The following XPO1 variants were observed in gnomAD, a reference collection of about 807,000 sequenced individuals.
XPO1 encodes the protein exportin 1.
XPO1 carries 5 observed loss-of-function variants against 133.3 expected under a neutral mutation model. That is an observed-to-expected ratio of 0.04 (90% CI 0.02 to 0.08). The LOEUF is 0.08. Among genes scored for constraint, XPO1 ranks in the 10% least tolerant of loss-of-function variants. The pLI is 1.00. For synonymous variants in XPO1, 419 were observed against 408.2 expected, an observed-to-expected ratio of 1.03 and a Z score of -0.32; for missense variants, 506 against 1,267.5, an observed-to-expected ratio of 0.40 and a Z score of 9.12.
At chr2:61,532,568 T>A (rs917655871) in intron 2 of XPO1, among the ~76,000 whole-genome samples, 1 of 151,954 alleles carries the variant, frequency 6.6e-6, no homozygotes, top group African/African-American at 2.4e-5. Flanking sequence ...CCAGGCGCGG[T>A]GGCTCATGCC....
rs1696934571 is a variant in XPO1 at position 61,490,624 on chromosome 2, A to G, written c.2022+18T>C. 1.2e-5 allele frequency: 19 copies of G among 1,613,420 alleles called. No individual in the cohort carries two copies. In the East Asian group the frequency reaches 4.2e-4, roughly 36 times the overall value. ...TTAAATCCCATGAAAACTTTTAAGA[A>G]AAGGTAGAAATACTTACTTTGGTTG... On this transcript the variant is annotated intron_variant, in intron 17 of 24. Coordinates refer to ENST00000401558, the MANE Select transcript of XPO1 (RefSeq NM_003400.4).
At position 61,494,077 on chromosome 2, in the gene XPO1, C is replaced by T. The variant is rs2104447733; in HGVS notation, c.1062G>A (p.Met354Ile). 3.1e-6 allele frequency: 5 copies of T among 1,613,646 alleles called. No individual in the cohort carries two copies. The highest frequency in any genetic ancestry group is 1.3e-5 in the African/African-American group (1 of 75,010). Residue 354 changes from methionine (M) to isoleucine (I), a missense_variant, in exon 12 of 25, where the codon ATG (methionine) becomes ATA (isoleucine). Met to Ile is a conservative substitution (Grantham distance 10, BLOSUM62 1). This residue lies in a region of XPO1 where 134 missense variants were observed against 261.6 expected (regional missense o/e 0.51). Transcript: ENST00000401558. ...RETLMEALHYMLLVSEVEETE... is the reference protein window; with the variant it reads ...RETLMEALHYILLVSEVEETE... ...TTTCTTCTACTTCAGATACCAACAA[C>T]ATATAATGAAGGGCCTACACAGAAG...
At chr2:61,495,185 T>A (rs1022593265) in intron 11 of XPO1, among the ~76,000 whole-genome samples, 1 of 152,144 alleles carries the variant, frequency 6.6e-6, no homozygotes, top group African/African-American at 2.4e-5. Context: ...AATTTTAAAA[T>A]AAGGTCTTTG....
chr2:61,508,557 G>A (rs541261390), intron 4 of XPO1, among the ~76,000 whole-genome samples: 1 of 152,144 alleles, frequency 6.6e-6, no homozygotes, highest in South Asian at 2.1e-4. Context: ...AGCTAACTTA[G>A]AAGGTACACA....
rs1305284793 is a variant in XPO1 at position 61,538,225 on chromosome 2, C to G, written c.-670G>C. ...ATGCTGTAGCTCCCGCTGCTCCTGC[C>G]GCGGCCGCTGCAGCCGCTTCTCCCC... On this transcript the variant is annotated 5_prime_UTR_variant, in exon 1 of 25. Coordinates refer to ENST00000401558, the MANE Select transcript of XPO1 (RefSeq NM_003400.4). The G allele has an allele frequency of 5.5e-6, 1 of 180,218 alleles. No individual in the cohort carries two copies. Among genetic ancestry groups the G allele is most frequent in the Non-Finnish European group, 1.2e-5 (1 of 85,712 alleles). 11.2% of individuals were successfully genotyped at this position (180,218 alleles called of 1,614,324 possible). A position where few individuals can be genotyped will look rare whatever the true frequency, so the allele number is the denominator to read the frequency against.
rs1257024355 is a variant in XPO1, at chr2:61,488,149, A to G, written c.2313+16T>C. On this transcript the variant is annotated intron_variant, in intron 19 of 24. Coordinates refer to ENST00000401558, the MANE Select transcript of XPO1 (RefSeq NM_003400.4). Reference sequence around the variant, plus strand: ...CATCAACACTAGAAATCAAAAGCAAAGCATCTCTCACTTACCATCTGTGGA... The same window carrying G: ...CATCAACACTAGAAATCAAAAGCAAGGCATCTCTCACTTACCATCTGTGGA... 1.9e-6 allele frequency: 3 copies of G among 1,606,544 alleles called. No individual in the cohort carries two copies. The African/African-American group carries it at 4.0e-5, about 21-fold the overall frequency.
chr2:61,520,230 A>G (rs1359168285), intron 4 of XPO1, among the ~76,000 whole-genome samples: 1 of 152,226 alleles, frequency 6.6e-6, no homozygotes, highest in Admixed American at 6.5e-5. Flanking sequence ...GTTTTAAATT[A>G]ATTTATGTAA....
chr2:61,482,681 C>T (rs975553672), intron 22 of XPO1, 142 bp from the exon 23 acceptor site: 5 of 846,726 alleles, frequency 5.9e-6, no homozygotes, highest in Admixed American at 3.2e-5. Context: ...TCTTAGTTCA[C>T]TGCAACCTCT....
chr2:61,528,964 T>G (rs1478261714), intron 2 of XPO1, among the ~76,000 whole-genome samples: 1 of 152,072 alleles, frequency 6.6e-6, no homozygotes, highest in Non-Finnish European at 1.5e-5. Flanking sequence ...GCAAAAAGTT[T>G]GGACCAGGTG....
At chr2:61,524,143 G>A (rs1698813033) in intron 3 of XPO1, among the ~76,000 whole-genome samples, 1 of 151,870 alleles carries the variant, frequency 6.6e-6, no homozygotes, top group Non-Finnish European at 1.5e-5. Context: ...AATTTTATAG[G>A]CACAAAATCA....
At chr2:61,522,355 G>T (rs1007755836) in intron 4 of XPO1, among the ~76,000 whole-genome samples, 1 of 152,138 alleles carries the variant, frequency 6.6e-6, no homozygotes, top group Non-Finnish European at 1.5e-5. Flanking sequence ...CTGTGCCATA[G>T]CCCATATTTT....
At chr2:61,481,755 T>C (rs1475612372) in intron 23 of XPO1, among the ~76,000 whole-genome samples, 2 of 151,802 alleles carry the variant, frequency 1.3e-5, no homozygotes, top group African/African-American at 2.4e-5. Flanking sequence ...TTTTTATTTT[T>C]TGAGACAGTC....
At chr2:61,537,340 C>A (rs1699396980) in intron 1 of XPO1, among the ~76,000 whole-genome samples, 1 of 151,594 alleles carries the variant, frequency 6.6e-6, no homozygotes, top group South Asian at 2.1e-4. Flanking sequence ...ACCCAGCAAG[C>A]GCTCCCCTCC....
At chr2:61,516,016 C>G (rs567566176) in intron 4 of XPO1, among the ~76,000 whole-genome samples, 1 of 151,050 alleles carries the variant, frequency 6.6e-6, no homozygotes, top group South Asian at 2.1e-4. Flanking sequence ...GTCCCAGCTA[C>G]TCAGGAGGCT....
At chr2:61,511,645 C>T (rs973884146) in intron 4 of XPO1, among the ~76,000 whole-genome samples, 1 of 152,200 alleles carries the variant, frequency 6.6e-6, no homozygotes, top group African/African-American at 2.4e-5. Context: ...TTTCTGGGCT[C>T]AAGAGAGCCT....
intron 3 of XPO1, among the ~76,000 whole-genome samples, 180 bp from the exon 4 acceptor site, chr2:61,522,863 A>G (rs1286899079): frequency 6.6e-6 from 1 of 152,138 alleles, no homozygotes; most frequent in Non-Finnish European, 1.5e-5. Context: ...GTTTTCATGC[A>G]TTTTCCTCAT....
intron 20 of XPO1, 124 bp downstream of exon 20, chr2:61,485,644 A>G: frequency 1.1e-6 from 1 of 902,532 alleles, no homozygotes; most frequent in Non-Finnish European, 1.6e-6. Flanking sequence ...TCCCTAATAT[A>G]CAAGTTTAAA....
intron 10 of XPO1, among the ~76,000 whole-genome samples, chr2:61,496,046 G>A (rs1359286658): frequency 1.3e-5 from 2 of 152,030 alleles, no homozygotes; most frequent in Non-Finnish European, 2.9e-5. Flanking sequence ...CCTAGGTCCA[G>A]TATACCTATT....
intron 4 of XPO1, among the ~76,000 whole-genome samples, chr2:61,518,478 G>A (rs1257972237): frequency 1.3e-5 from 2 of 150,432 alleles, no homozygotes; most frequent in South Asian, 2.1e-4. Context: ...TTAGCCGGGC[G>A]TGGTGGCAGG....
Sources: allele counts gnomAD v4.1 joint callset (sites outside exome capture counted in the v4.1 genomes callset), GRCh38; gene constraint gnomAD v4.1.1; regional missense constraint gnomAD v4.1.1; transcripts MANE v1.5; gene names NCBI Gene and HGNC (gene_info 2026-07-23, HGNC 2026-07-21).